The following ZDHHC15 variants were observed in gnomAD, a reference collection of about 807,000 sequenced individuals.
ZDHHC15 encodes zDHHC palmitoyltransferase 15, also known as palmitoyltransferase ZDHHC15.
A neutral mutation model predicts 31.7 loss-of-function variants in ZDHHC15; 19 were observed. That is an observed-to-expected ratio of 0.60 (90% confidence interval 0.42 to 0.88). ZDHHC15 has a LOEUF of 0.88. Among genes scored for constraint, ZDHHC15 ranks in the 40% least tolerant of loss-of-function variants. The pLI is 0.00. For missense variants in ZDHHC15, 209 were observed against 251.2 expected, an observed-to-expected ratio of 0.83 and a Z score of 1.14; for synonymous variants, 103 against 90.0, an observed-to-expected ratio of 1.14 and a Z score of -0.82.
intron 10 of ZDHHC15, among the ~76,000 whole-genome samples, chrX:75,416,136 T>A (rs944612952): frequency 8.9e-6 from 1 of 111,975 alleles, no homozygotes; most frequent in African/African-American, 3.2e-5. Context: ...TTTTTATCTA[T>A]GGATTTGTGG....
intron 4 of ZDHHC15, among the ~76,000 whole-genome samples, chrX:75,445,215 G>T (rs2084016519): frequency 9.0e-6 from 1 of 111,334 alleles, no homozygotes; most frequent in African/African-American, 3.3e-5. Flanking sequence ...CAAAGAAACA[G>T]AATTTTAGGA....
chrX:75,500,473 A>G (rs1019697804), intron 2 of ZDHHC15, among the ~76,000 whole-genome samples: 7 of 109,796 alleles, frequency 6.4e-5, no homozygotes, highest in African/African-American at 2.3e-4. Flanking sequence ...ATAAATATAC[A>G]TACCTATACT....
intron 1 of ZDHHC15, among the ~76,000 whole-genome samples, chrX:75,516,632 C>T (rs964757142): frequency 1.8e-5 from 2 of 111,967 alleles, no homozygotes; most frequent in Non-Finnish European, 3.8e-5. Context: ...CCTTAAAAAC[C>T]CTACAAGAAA....
chrX:75,457,756 A>C (rs2084247611), intron 3 of ZDHHC15, among the ~76,000 whole-genome samples: 1 of 111,316 alleles, frequency 9.0e-6, no homozygotes, highest in Non-Finnish European at 1.9e-5. Context: ...TGGATTAAAA[A>C]ATATTTTTAA....
chrX:75,377,862 T>C (rs1016262121), intron 11 of ZDHHC15, among the ~76,000 whole-genome samples: 5 of 111,781 alleles, frequency 4.5e-5, no homozygotes, highest in Non-Finnish European at 9.4e-5. Context: ...TATATAGGGT[T>C]TTATAAATTT....
chrX:75,452,138 C>G (rs963132662), intron 3 of ZDHHC15, among the ~76,000 whole-genome samples: 2 of 107,653 alleles, frequency 1.9e-5, no homozygotes, highest in Non-Finnish European at 3.8e-5. Context: ...GGAGACCCAT[C>G]TCACGTGCAG....
chrX:75,452,974 C>T (rs1257138905), intron 3 of ZDHHC15, among the ~76,000 whole-genome samples: 1 of 111,598 alleles, frequency 9.0e-6, no homozygotes, highest in African/African-American at 3.3e-5. Context: ...ATTAAAAGAA[C>T]TAGAGAAACA....
intron 3 of ZDHHC15, among the ~76,000 whole-genome samples, chrX:75,461,009 T>C (rs1241028589): frequency 9.0e-6 from 1 of 111,539 alleles, no homozygotes; most frequent in Admixed American, 9.6e-5. Context: ...AAGGAGCATG[T>C]TGTAACCCAA....
intron 10 of ZDHHC15, among the ~76,000 whole-genome samples, chrX:75,402,076 A>G: frequency 8.9e-6 from 1 of 112,663 alleles, no homozygotes; most frequent in South Asian, 3.6e-4. Flanking sequence ...AGAAGTAAAC[A>G]CAATAAAAAT....
chrX:75,509,135 A>G (rs1340578424), intron 1 of ZDHHC15, among the ~76,000 whole-genome samples: 3 of 111,414 alleles, frequency 2.7e-5, no homozygotes, highest in Non-Finnish European at 5.7e-5. Context: ...CTAAAACACC[A>G]AAAGCAATGG....
At chrX:75,451,129 T>A (rs1193857025) in intron 3 of ZDHHC15, among the ~76,000 whole-genome samples, 1 of 112,033 alleles carries the variant, frequency 8.9e-6, no homozygotes, top group East Asian at 2.8e-4. Flanking sequence ...GTGTATTTTT[T>A]AATAAAGAAA....
intron 3 of ZDHHC15, among the ~76,000 whole-genome samples, chrX:75,470,191 A>C (rs1384483159): frequency 9.0e-6 from 1 of 111,465 alleles, no homozygotes; most frequent in African/African-American, 3.3e-5. Context: ...GCGAATATAA[A>C]GCAGGCAGGA....
intron 1 of ZDHHC15, among the ~76,000 whole-genome samples, chrX:75,515,151 G>A (rs2085336597): frequency 9.0e-6 from 1 of 111,356 alleles, no homozygotes; most frequent in African/African-American, 3.3e-5. Context: ...GAGGTACAAA[G>A]GGGAGCTGGT....
intron 4 of ZDHHC15, among the ~76,000 whole-genome samples, chrX:75,439,392 T>C (rs2083907977): frequency 9.0e-6 from 1 of 111,685 alleles, no homozygotes; most frequent in Admixed American, 9.6e-5. Context: ...TTTGTCAGAT[T>C]GGGTTAATTC....
At chrX:75,378,740 G>T (rs1270180607) in intron 11 of ZDHHC15, among the ~76,000 whole-genome samples, 1 of 111,330 alleles carries the variant, frequency 9.0e-6, no homozygotes, top group Non-Finnish European at 1.9e-5. Context: ...GTTATTAACT[G>T]ACATAATGGA....
chrX:75,376,318 T>C (rs2083060458), intron 11 of ZDHHC15, among the ~76,000 whole-genome samples: 1 of 107,874 alleles, frequency 9.3e-6, no homozygotes, highest in Non-Finnish European at 1.9e-5. Context: ...TTTTGTCAGA[T>C]GCATTGTTTG....
intron 3 of ZDHHC15, among the ~76,000 whole-genome samples, chrX:75,463,698 T>A (rs1217484644): frequency 2.7e-5 from 3 of 111,637 alleles, no homozygotes; most frequent in African/African-American, 9.8e-5. Context: ...AAAATGCTCA[T>A]CATCACTGGC....
At chrX:75,458,543 CAT>C (rs1320854141) in intron 3 of ZDHHC15, among the ~76,000 whole-genome samples, 1 of 111,165 alleles carries the variant, frequency 9.0e-6, no homozygotes, top group Non-Finnish European at 1.9e-5. Context: ...AAATTGAAAA[CAT>C]ATAAAATCAA....
At chrX:75,480,762 C>T (rs2084677004) in intron 2 of ZDHHC15, among the ~76,000 whole-genome samples, 2 of 110,973 alleles carry the variant, frequency 1.8e-5, no homozygotes, top group Admixed American at 9.6e-5. Flanking sequence ...TTTGTTCTTC[C>T]CCCTTCTCTT....
Sources: allele counts gnomAD v4.1 joint callset (sites outside exome capture counted in the v4.1 genomes callset), GRCh38; gene constraint gnomAD v4.1.1; transcripts MANE v1.5; gene names NCBI Gene and HGNC (gene_info 2026-07-23, HGNC 2026-07-21).